Variants in BANK1 observed in about 807,000 individuals in gnomAD.
BANK1 encodes B-cell scaffold protein with ankyrin repeats.
In BANK1, 95 loss-of-function variants were observed where a neutral mutation model predicts 94.5. The observed-to-expected ratio is 1.00, with a 90% CI of 0.85 to 1.19. The LOEUF is 1.19. BANK1 is among the 50% of genes most tolerant of loss of function. The pLI is 0.00. For synonymous variants in BANK1, 334 were observed against 308.4 expected (o/e 1.08, Z -0.87); for missense variants, 987 against 932.2 (o/e 1.06, Z -0.77).
chr4:102,069,131 A>ATAAT (rs1448418819), intron 13 of BANK1, among the ~76,000 whole-genome samples: 1 of 152,232 alleles, frequency 6.6e-6, no homozygotes, highest in East Asian at 1.9e-4. Context: ...GAAATCAGTT[A>ATAAT]TAATTAAGGA....
intron 7 of BANK1, among the ~76,000 whole-genome samples, chr4:101,932,047 G>T (rs1192481087): frequency 6.6e-6 from 1 of 151,332 alleles, no homozygotes; most frequent in African/African-American, 2.4e-5. Context: ...GTACTTCCTA[G>T]GAAGTATTTT....
chr4:101,874,485 C>T (rs1222266350), intron 5 of BANK1, among the ~76,000 whole-genome samples: 1 of 152,064 alleles, frequency 6.6e-6, no homozygotes, highest in Non-Finnish European at 1.5e-5. Context: ...TAATGGAAAC[C>T]TTCTTTTCTC....
chr4:101,805,912 A>G (rs1227537157), intron 1 of BANK1, among the ~76,000 whole-genome samples: 4 of 152,006 alleles, frequency 2.6e-5, no homozygotes, highest in Non-Finnish European at 5.9e-5. Context: ...TTAATCTGAT[A>G]ACAAGTAGTA....
chr4:101,858,607 C>T (rs1217665406), intron 3 of BANK1, among the ~76,000 whole-genome samples: 1 of 152,086 alleles, frequency 6.6e-6, no homozygotes, highest in Non-Finnish European at 1.5e-5. Flanking sequence ...ATATAATCAA[C>T]CCTAATTCTT....
intron 7 of BANK1, among the ~76,000 whole-genome samples, chr4:101,933,310 GAGA>G (rs1295357356): frequency 1.1e-5 from 1 of 87,420 alleles, no homozygotes; most frequent in African/African-American, 4.0e-5. Context: ...GGTAAGAAAG[GAGA>G]AAAAAAAAAA....
At chr4:101,799,278 G>A in intron 1 of BANK1, among the ~76,000 whole-genome samples, 1 of 152,136 alleles carries the variant, frequency 6.6e-6, no homozygotes, top group Non-Finnish European at 1.5e-5. Context: ...TTATAGATGT[G>A]TGGTATTATT....
intron 1 of BANK1, among the ~76,000 whole-genome samples, chr4:101,823,328 A>G (rs1262932245): frequency 6.6e-6 from 1 of 152,228 alleles, no homozygotes; most frequent in Non-Finnish European, 1.5e-5. Context: ...TAGAGACTTA[A>G]GAAATAATCA....
rs1728789371 is a variant in BANK1, at chr4:102,072,387, A to C, written c.2285A>C (p.His762Pro). The C allele has an allele frequency of 6.3e-7, 1 of 1,595,202 alleles. No individual in the cohort carries two copies. The highest frequency in any genetic ancestry group is 8.6e-7 in the Non-Finnish European group (1 of 1,164,610). Residue 762 changes from histidine (H) to proline (P), a missense_variant, in exon 15 of 17, where the codon CAC (histidine) becomes CCC (proline). Coordinates refer to ENST00000322953, the MANE Select transcript of BANK1 (RefSeq NM_017935.5). ...AHNENKFYNV[H>P]FSNKLPARPQ... ...AATGAAAATAAGTTTTATAATGTAC[A>C]CTTCAGCAATAAGGTAGGTTGTATT...
chr4:101,796,075 T>G (rs191329525), intron 1 of BANK1, among the ~76,000 whole-genome samples: 1 of 152,322 alleles, frequency 6.6e-6, no homozygotes, highest in Admixed American at 6.5e-5. Context: ...AAGATGAGAT[T>G]ATTGTCAGTG....
chr4:102,060,088 A>T, intron 11 of BANK1, 123 bp from the exon 12 acceptor site: 2 of 867,632 alleles, frequency 2.3e-6, no homozygotes, highest in Non-Finnish European at 1.7e-6. Context: ...GTGCTGGTTT[A>T]TTCTTTAACT....
intron 7 of BANK1, among the ~76,000 whole-genome samples, chr4:101,961,188 A>G (rs1724557015): frequency 6.6e-6 from 1 of 152,220 alleles, no homozygotes; most frequent in Non-Finnish European, 1.5e-5. Flanking sequence ...TACATAATGA[A>G]CAGAATTATA....
chr4:101,883,346 T>C (rs1728742568), intron 5 of BANK1, among the ~76,000 whole-genome samples: 1 of 152,206 alleles, frequency 6.6e-6, no homozygotes, highest in Non-Finnish European at 1.5e-5. Context: ...TATTTCTGAG[T>C]ACAATTACTT....
rs10516486 is a variant in BANK1 at position 101,830,119 on chromosome 4, C to T, written c.382C>T (p.Leu128=). The change falls in exon 2 of 17, where the codon CTA becomes TTA. Residue 128 remains leucine, a synonymous_variant. Coordinates refer to ENST00000322953, the MANE Select transcript of BANK1 (RefSeq NM_017935.5). ...GAGTTCAGATCAGCTCTATGAATTA[C>T]TAAATATCTCTCAAAGCAGATGGGA... The part of the protein sequence containing the change: ...VKSSDQLYEL[L]NISQSRWEIS... The T allele has an allele frequency of 0.41, 655,548 of 1,610,998 alleles. 138,341 individuals are homozygous for T. The highest frequency in any genetic ancestry group is 0.71 in the African/African-American group (52,812 of 74,800).
intron 1 of BANK1, among the ~76,000 whole-genome samples, chr4:101,795,803 C>T (rs921651703): frequency 1.3e-5 from 2 of 152,064 alleles, no homozygotes. Flanking sequence ...TTATCACTTC[C>T]TATAGATCCA....
intron 9 of BANK1, among the ~76,000 whole-genome samples, chr4:102,026,545 T>C (rs1727103557): frequency 1.3e-5 from 2 of 152,092 alleles, no homozygotes; most frequent in Non-Finnish European, 2.9e-5. Context: ...ATTTAGTATT[T>C]GGGCTGGGCA....
intron 7 of BANK1, among the ~76,000 whole-genome samples, chr4:102,011,199 C>T (rs942983766): frequency 8.5e-5 from 13 of 152,286 alleles, no homozygotes; most frequent in Admixed American, 2.6e-4. Context: ...AAAGCTAAAG[C>T]TGAAGGAATA....
At chr4:101,840,248 G>A (rs1277148241) in intron 2 of BANK1, among the ~76,000 whole-genome samples, 3 of 151,906 alleles carry the variant, frequency 2.0e-5, no homozygotes, top group Admixed American at 6.5e-5. Context: ...CATCACAGGC[G>A]TGAGCCACCG....
chr4:101,912,535 A>G lies in BANK1; in HGVS notation c.1010-5458A>G, dbSNP rs148286541. Among the ~76,000 whole-genome samples, 16 of 150,294 alleles carry G rather than the reference A, an allele frequency of 1.1e-4. No homozygotes were observed. In the East Asian group the frequency reaches 2.7e-3, roughly 26 times the overall value. ...GATAGATAGAGATAGGTTCATAGAA[A>G]TACATATTATCTATAATAAATCTCT... is the stretch of plus-strand genomic sequence containing the variant. On this transcript the variant is annotated intron_variant, in intron 6 of 16. Coordinates refer to ENST00000322953, the MANE Select transcript of BANK1 (RefSeq NM_017935.5).
intron 7 of BANK1, among the ~76,000 whole-genome samples, chr4:101,992,981 G>T (rs560211041): frequency 2.0e-5 from 3 of 152,112 alleles, no homozygotes; most frequent in Non-Finnish European, 4.4e-5. Context: ...TCACCCTACA[G>T]TCGTCCTAAA....
Sources: gnomAD v4.1 joint callset for allele counts (sites outside exome capture counted in the v4.1 genomes callset) on GRCh38, gnomAD v4.1.1 for gene constraint, MANE v1.5 for transcripts, NCBI Gene and HGNC (gene_info 2026-07-23, HGNC 2026-07-21) for gene names.